BRINP3: variants seen among roughly 807,000 people sequenced by gnomAD.
The protein encoded by BRINP3 is BMP/retinoic acid-inducible neural-specific protein 3.
Under a neutral mutation model 71.0 loss-of-function variants are expected in BRINP3, and 19 were observed. The ratio of observed to expected loss-of-function variants is 0.27; its 90% CI spans 0.19 to 0.39. The LOEUF is 0.39. BRINP3 is among the 10% of genes least tolerant of loss of function. The probability of loss-of-function intolerance (pLI) is 1.00; values close to 1 mark genes in which losing one functional copy is unlikely to be tolerated. For missense variants in BRINP3, 959 were observed against 940.8 expected (o/e 1.02, Z -0.25); for synonymous variants, 380 against 337.7 (o/e 1.13, Z -1.37).
intron 7 of BRINP3, among the ~76,000 whole-genome samples, chr1:190,112,545 C>A (rs1249682987): frequency 6.6e-6 from 1 of 152,104 alleles, no homozygotes; most frequent in Non-Finnish European, 1.5e-5. Flanking sequence ...TAGAAAAATA[C>A]ATTTACAGTC....
At chr1:190,163,685 T>C (rs1458809897) in intron 6 of BRINP3, among the ~76,000 whole-genome samples, 1 of 152,084 alleles carries the variant, frequency 6.6e-6, no homozygotes, top group Non-Finnish European at 1.5e-5. Flanking sequence ...AACTTTCTAA[T>C]AAATTATAGA....
chr1:190,455,411 C>A (rs922431395), intron 1 of BRINP3, among the ~76,000 whole-genome samples: 1 of 151,830 alleles, frequency 6.6e-6, no homozygotes, highest in African/African-American at 2.4e-5. Flanking sequence ...TACATAAACA[C>A]GGAGTAAAAC....
chr1:190,448,016 A>G (rs929280113), intron 2 of BRINP3, among the ~76,000 whole-genome samples: 11 of 151,766 alleles, frequency 7.2e-5, no homozygotes, highest in African/African-American at 2.4e-4. Flanking sequence ...TTAAAAAAGT[A>G]AGACCATCCT....
chr1:190,149,115 T>C (rs574867046), intron 7 of BRINP3, among the ~76,000 whole-genome samples: 75 of 152,270 alleles, frequency 4.9e-4, no homozygotes, highest in African/African-American at 1.8e-3. Flanking sequence ...AAATGAAAAA[T>C]GGTAAAGCAT....
intron 6 of BRINP3, among the ~76,000 whole-genome samples, chr1:190,218,391 A>G (rs780884553): frequency 6.6e-6 from 1 of 152,046 alleles, no homozygotes; most frequent in Non-Finnish European, 1.5e-5. Flanking sequence ...ATACAATTCC[A>G]TTGTGTAAAT....
At chr1:190,337,596 G>T (rs1667374102) in intron 2 of BRINP3, among the ~76,000 whole-genome samples, 2 of 151,736 alleles carry the variant, frequency 1.3e-5, no homozygotes, top group Admixed American at 6.6e-5. Context: ...TCAGCTTTTG[G>T]ACTCTTAAAC....
At chr1:190,159,045 T>C (rs1466405257) in intron 7 of BRINP3, among the ~76,000 whole-genome samples, 1 of 152,052 alleles carries the variant, frequency 6.6e-6, no homozygotes, top group East Asian at 1.9e-4. Context: ...TTGAAATCTG[T>C]GAAGGATTTG....
intron 6 of BRINP3, among the ~76,000 whole-genome samples, chr1:190,170,966 A>C (rs1449206204): frequency 6.6e-6 from 1 of 152,120 alleles, no homozygotes; most frequent in Non-Finnish European, 1.5e-5. Context: ...AGATATGTTG[A>C]GTAAATTTTT....
intron 3 of BRINP3, among the ~76,000 whole-genome samples, chr1:190,268,097 C>T (rs2102886802): frequency 6.6e-6 from 1 of 152,080 alleles, no homozygotes; most frequent in Non-Finnish European, 1.5e-5. Flanking sequence ...TAGGATAATT[C>T]CAATACTGCA....
intron 2 of BRINP3, among the ~76,000 whole-genome samples, chr1:190,391,399 A>G (rs1671243782): frequency 6.6e-6 from 1 of 151,830 alleles, no homozygotes; most frequent in African/African-American, 2.4e-5. Context: ...ATTTGCTGTT[A>G]TATAATTGCT....
intron 6 of BRINP3, among the ~76,000 whole-genome samples, chr1:190,177,786 T>C (rs886713312): frequency 4.3e-4 from 66 of 152,304 alleles, no homozygotes; most frequent in Admixed American, 2.8e-3. Context: ...CAAATTGGAA[T>C]GTTATTTCAC....
intron 2 of BRINP3, among the ~76,000 whole-genome samples, chr1:190,361,199 G>T (rs1362134032): frequency 6.6e-6 from 1 of 151,748 alleles, no homozygotes; most frequent in African/African-American, 2.4e-5. Context: ...AGTTTATGAG[G>T]GCATTAAGGC....
Position 190,122,941 on chromosome 1 carries a change from C to A in BRINP3, c.1185-23807G>T, listed in dbSNP as rs759728854. The stretch of plus-strand genomic sequence containing the variant: ...TGAGGTCATGTCCCTCAATAGCAGA[C>A]AGTCTAGGGAAACTGGGATCACTTT... On this transcript the variant is annotated intron_variant, in intron 7 of 7. Coordinates refer to ENST00000367462, the MANE Select transcript of BRINP3 (RefSeq NM_199051.3). Among the ~76,000 whole-genome samples the A allele has an allele frequency of 4.7e-4, 71 of 152,102 alleles. 1 individual carries two copies. Among genetic ancestry groups the A allele is most frequent in the Admixed American group, 3.9e-4 (6 of 15,260 alleles).
chr1:190,169,223 C>G (rs1651810517), intron 6 of BRINP3, among the ~76,000 whole-genome samples: 1 of 152,090 alleles, frequency 6.6e-6, no homozygotes, highest in South Asian at 2.1e-4. Context: ...TTTGGATATC[C>G]TCTTCAAAAT....
At chr1:190,129,226 T>G (rs878888845) in intron 7 of BRINP3, among the ~76,000 whole-genome samples, 20 of 151,782 alleles carry the variant, frequency 1.3e-4, no homozygotes, top group Admixed American at 1.3e-3. Flanking sequence ...CAAATCCTAT[T>G]TTTTTAGTCG....
At chr1:190,121,186 A>G (rs1170506963) in intron 7 of BRINP3, among the ~76,000 whole-genome samples, 2 of 152,178 alleles carry the variant, frequency 1.3e-5, no homozygotes, top group African/African-American at 4.8e-5. Context: ...CCGGAGCTAT[A>G]GTTTACTTGG....
At chr1:190,219,187 C>T (rs942004408) in intron 6 of BRINP3, among the ~76,000 whole-genome samples, 8 of 152,002 alleles carry the variant, frequency 5.3e-5, no homozygotes, top group African/African-American at 1.9e-4. Flanking sequence ...TCCTTCAATG[C>T]AATTCACAGA....
intron 2 of BRINP3, among the ~76,000 whole-genome samples, chr1:190,317,031 G>C (rs1013672078): frequency 1.3e-5 from 2 of 151,776 alleles, no homozygotes; most frequent in Non-Finnish European, 2.9e-5. Flanking sequence ...AATTAGCCGG[G>C]CATGATGGTG....
At chr1:190,233,669 G>A (rs1473634120) in intron 5 of BRINP3, among the ~76,000 whole-genome samples, 1 of 152,106 alleles carries the variant, frequency 6.6e-6, no homozygotes, top group Admixed American at 6.6e-5. Context: ...TTGACAGAAA[G>A]TGTCATCACA....
Sources: allele counts gnomAD v4.1 joint callset (sites outside exome capture counted in the v4.1 genomes callset), GRCh38; gene constraint gnomAD v4.1.1; transcripts MANE v1.5; gene names NCBI Gene and HGNC (gene_info 2026-07-23, HGNC 2026-07-21).